ROR1: variants seen among roughly 807,000 people sequenced by gnomAD.
ROR1 encodes the protein ROR family WNT receptor 1.
ROR1 carries 19 observed loss-of-function variants against 78.8 expected under a neutral mutation model. The ratio of observed to expected loss-of-function variants is 0.24; its 90% CI spans 0.17 to 0.35. ROR1 has a LOEUF of 0.35. Ranked by LOEUF, ROR1 falls within the 10% of genes least tolerant of loss-of-function variation. The pLI, the probability that ROR1 is intolerant of heterozygous loss-of-function variation, is 1.00. For synonymous variants in ROR1, 386 were observed against 433.6 expected, an observed-to-expected ratio of 0.89 and a Z score of 1.36; for missense variants, 917 against 1,177.8, an observed-to-expected ratio of 0.78 and a Z score of 3.24.
At chr1:63,851,704 T>G (rs143453624) in intron 1 of ROR1, among the ~76,000 whole-genome samples, 1 of 152,306 alleles carries the variant, frequency 6.6e-6, no homozygotes, top group African/African-American at 2.4e-5. Flanking sequence ...ATGCAAACAA[T>G]TATAAGCTCA....
chr1:64,016,750 A>ATATATATATATATATATATATATATAT (rs1557610652), intron 2 of ROR1, among the ~76,000 whole-genome samples: 1 of 87,860 alleles, frequency 1.1e-5, no homozygotes. Context: ...TATATATATA[A>ATATATATATATATATATATATATATAT]AGATTTTATG....
chr1:63,821,478 TG>T (rs1486619969), intron 1 of ROR1, among the ~76,000 whole-genome samples: 1 of 152,186 alleles, frequency 6.6e-6, no homozygotes, highest in Non-Finnish European at 1.5e-5. Flanking sequence ...CATAGTGAGT[TG>T]ATGTGTTAGT....
chr1:64,106,864 G>A (rs2100665434), intron 4 of ROR1: 1 of 152,122 alleles, frequency 6.6e-6, no homozygotes, highest in East Asian at 1.9e-4. Flanking sequence ...TTAGCACACG[G>A]GTACAGTCTT....
intron 1 of ROR1, among the ~76,000 whole-genome samples, chr1:63,810,149 T>C (rs951376075): frequency 3.3e-5 from 5 of 152,204 alleles, no homozygotes; most frequent in African/African-American, 1.2e-4. Context: ...GAGAATTTAG[T>C]GCATATGTTC....
At position 63,970,396 on chromosome 1, in the gene ROR1, T is replaced by TC. The variant is rs755519646; in HGVS notation, c.92-38907dup. Among the ~76,000 whole-genome samples, 7 of 152,330 alleles carry TC rather than the reference T, an allele frequency of 4.6e-5. 1 individual carries two copies. Among genetic ancestry groups the TC allele is most frequent in the African/African-American group, 1.4e-4 (6 of 41,568 alleles). On this transcript the variant is annotated intron_variant, in intron 1 of 8. Coordinates refer to ENST00000371079, the MANE Select transcript of ROR1 (RefSeq NM_005012.4). Reference sequence around the variant, plus strand: ...TGATTAAAAGATAAATTTTTGTTTCTCCGGATGACATTAGTCTGGACATAA... The same window carrying TC: ...TGATTAAAAGATAAATTTTTGTTTCTCCCGGATGACATTAGTCTGGACATAA...
chr1:63,776,221 G>A (rs903350561), intron 1 of ROR1, among the ~76,000 whole-genome samples: 2 of 152,210 alleles, frequency 1.3e-5, no homozygotes. Context: ...CCTTGTGGGG[G>A]TGGGGGTCAC....
At chr1:63,782,166 T>G (rs2100222282) in intron 1 of ROR1, among the ~76,000 whole-genome samples, 1 of 151,648 alleles carries the variant, frequency 6.6e-6, no homozygotes, top group South Asian at 2.1e-4. Flanking sequence ...CCTTGGAGGG[T>G]TTTTCAAATG....
intron 1 of ROR1, among the ~76,000 whole-genome samples, chr1:63,791,317 A>G (rs602227): frequency 0.28 from 41,777 of 151,898 alleles, 6,830 homozygotes; most frequent in African/African-American, 0.46. Flanking sequence ...AGTGCTGGAG[A>G]CAGAATCAGG....
intron 7 of ROR1, among the ~76,000 whole-genome samples, chr1:64,153,380 G>T (rs780676002): frequency 6.8e-6 from 1 of 147,042 alleles, no homozygotes; most frequent in Non-Finnish European, 1.5e-5. Flanking sequence ...ATTACCATCT[G>T]ATGCAGCAAT....
chr1:63,949,114 G>A (rs1310260409), intron 1 of ROR1, among the ~76,000 whole-genome samples: 2 of 152,134 alleles, frequency 1.3e-5, no homozygotes, highest in Admixed American at 6.5e-5. Context: ...CTCAAGCCCC[G>A]CTCAGGCATC....
intron 1 of ROR1, among the ~76,000 whole-genome samples, chr1:63,959,270 T>C (rs1646008403): frequency 6.6e-6 from 1 of 152,028 alleles, no homozygotes; most frequent in African/African-American, 2.4e-5. Context: ...CATGATTCAA[T>C]TACGTCCCAC....
intron 4 of ROR1, among the ~76,000 whole-genome samples, chr1:64,082,686 C>T (rs553802116): frequency 9.3e-4 from 142 of 152,356 alleles, no homozygotes; most frequent in South Asian, 2.3e-3. Flanking sequence ...TCTGCCCATG[C>T]GAGCCTCCTC....
At chr1:63,916,360 A>G (rs1306269138) in intron 1 of ROR1, among the ~76,000 whole-genome samples, 1 of 152,158 alleles carries the variant, frequency 6.6e-6, no homozygotes, top group African/African-American at 2.4e-5. Flanking sequence ...GTTTGAAAGG[A>G]GTAGGGGTTA....
chr1:64,116,057 G>A (rs183780162), intron 4 of ROR1, among the ~76,000 whole-genome samples: 1 of 152,300 alleles, frequency 6.6e-6, no homozygotes, highest in Admixed American at 6.5e-5. Context: ...GCCAGATACA[G>A]AGTTTGGCAC....
In ROR1 at chr1:64,167,743, T is replaced by G. The variant is rs1188191694; in HGVS notation, c.1386+8551T>G. ...ACTCTCCAGGGCTCTCATGCTCAAT[T>G]CAGGTGAAGGTTGCCATGGACAGGT... On this transcript the variant is annotated intron_variant, in intron 8 of 8. Transcript: ENST00000371079. Among the ~76,000 whole-genome samples, 4 of 152,252 alleles carry G rather than the reference T, an allele frequency of 2.6e-5. No homozygotes were observed. The East Asian group carries it at 7.7e-4, about 29-fold the overall frequency.
intron 1 of ROR1, among the ~76,000 whole-genome samples, chr1:63,937,222 C>T (rs1231931249): frequency 3.9e-5 from 6 of 152,196 alleles, no homozygotes; most frequent in Non-Finnish European, 8.8e-5. Flanking sequence ...ATGCTTTGCA[C>T]TTCTCAGTGA....
At chr1:63,845,503 A>G (rs549081728) in intron 1 of ROR1, among the ~76,000 whole-genome samples, 1 of 152,254 alleles carries the variant, frequency 6.6e-6, no homozygotes, top group South Asian at 2.1e-4. Context: ...TTCTCTTTCA[A>G]TGAATGAGGT....
intron 1 of ROR1, among the ~76,000 whole-genome samples, chr1:64,004,964 C>A (rs1646416618): frequency 6.6e-6 from 1 of 152,080 alleles, no homozygotes; most frequent in Non-Finnish European, 1.5e-5. Context: ...TTGGAGTTTT[C>A]TAAAACATGC....
intron 1 of ROR1, among the ~76,000 whole-genome samples, chr1:64,007,732 C>T (rs922604328): frequency 8.5e-5 from 13 of 152,180 alleles, no homozygotes; most frequent in South Asian, 6.2e-4. Flanking sequence ...TGTAGAGAAA[C>T]GAATTTCTCT....
Sources: allele counts gnomAD v4.1 joint callset (sites outside exome capture counted in the v4.1 genomes callset), GRCh38; gene constraint gnomAD v4.1.1; transcripts MANE v1.5; gene names NCBI Gene and HGNC (gene_info 2026-07-23, HGNC 2026-07-21).